CENPN: variants seen among roughly 807,000 people sequenced by gnomAD.
CENPN encodes the protein interphase centromere complex protein 32.
CENPN carries 36 observed loss-of-function variants against 48.6 expected under a neutral mutation model. The observed-to-expected ratio is 0.74, with a 90% CI of 0.57 to 0.98. The LOEUF (loss-of-function observed/expected upper bound fraction) is 0.98. CENPN is among the 50% of genes least tolerant of loss of function. The pLI is 0.00. For missense variants in CENPN, 439 were observed against 399.2 expected (o/e 1.10, Z -0.85); for synonymous variants, 166 against 135.2 (o/e 1.23, Z -1.58).
intron 1 of CENPN, among the ~76,000 whole-genome samples, chr16:81,011,032 C>T (rs1969721205): frequency 6.6e-6 from 1 of 152,222 alleles, no homozygotes; most frequent in African/African-American, 2.4e-5. Flanking sequence ...GTGATCCCCG[C>T]AGTGCCTTTC....
At chr16:81,028,045 C>T (rs1970589182) in intron 9 of CENPN, 126 bp from the exon 10 acceptor site, 2 of 845,922 alleles carry the variant, frequency 2.4e-6, no homozygotes, top group East Asian at 2.7e-5. Context: ...ATGGTCCCCA[C>T]CCCTGTTAAT....
In CENPN at chr16:81,018,237, C is replaced by T. The variant is rs767422558; in HGVS notation, c.354+403C>T. On this transcript the variant is annotated intron_variant, in intron 5 of 10. Coordinates refer to ENST00000305850, the MANE Select transcript of CENPN (RefSeq NM_001100624.3). ...TGTTGCCCAGGCTGGAGTGCAGTGG[C>T]GAGATCTCGGCTCACTGCAACTGCC... 5.3e-5 allele frequency among the ~76,000 whole-genome samples: 8 copies of T among 151,322 alleles called. No individual in the cohort carries two copies. The South Asian group carries it at 6.3e-4, about 12-fold the overall frequency.
intron 2 of CENPN, 26 bp from the exon 3 acceptor site, chr16:81,014,110 A>G (rs377404796): frequency 1.2e-6 from 2 of 1,602,696 alleles, no homozygotes; most frequent in Admixed American, 1.7e-5. Context: ...AACCACAGTT[A>G]CTAAATAATT....
chr16:81,028,761 C>G lies in CENPN; in HGVS notation c.*110C>G. The G allele has an allele frequency of 6.8e-7, 1 of 1,472,602 alleles. No individual in the cohort carries two copies. Among genetic ancestry groups the G allele is most frequent in the Non-Finnish European group, 9.0e-7 (1 of 1,116,492 alleles). 91.2% of individuals were successfully genotyped at this position (1,472,602 alleles called of 1,614,324 possible). On this transcript the variant is annotated 3_prime_UTR_variant, in exon 11 of 11. Transcript: ENST00000305850. ...CTGTAAACTTGTATTTTCAAGAATCCTTGGTATTGAATTTTTAGAAATGCT... is the reference window on the plus strand; with the variant it reads ...CTGTAAACTTGTATTTTCAAGAATCGTTGGTATTGAATTTTTAGAAATGCT...
intron 1 of CENPN, among the ~76,000 whole-genome samples, chr16:81,007,652 C>G (rs3784814): frequency 0.3 from 45,839 of 152,056 alleles, 7,443 homozygotes; most frequent in African/African-American, 0.42. Flanking sequence ...TTTTTTGTCC[C>G]TGTACCCTCT....
chr16:81,011,144 C>T (rs1428540709), intron 1 of CENPN, among the ~76,000 whole-genome samples: 1 of 152,138 alleles, frequency 6.6e-6, no homozygotes, highest in African/African-American at 2.4e-5. Flanking sequence ...CTCGAAGGCC[C>T]CAAGCAGGCT....
In CENPN at chr16:81,011,083, C is replaced by T. The variant is rs138732204; in HGVS notation, c.-10-847C>T. On this transcript the variant is annotated intron_variant, in intron 1 of 10. Transcript: ENST00000305850. ...GACTGACCTCACCTCCTTCTCTATG[C>T]CTCCTTCCTGTCTCTGCTGTCCCCT... Among the ~76,000 whole-genome samples the T allele has an allele frequency of 4.1e-3, 624 of 152,308 alleles. 5 individuals are homozygous for T. The highest frequency in any genetic ancestry group is 0.015 in the African/African-American group (604 of 41,560).
Position 81,017,774 on chromosome 16 carries a change from T to C in CENPN, c.294T>C (p.Leu98=). Residue 98 remains leucine (L), a synonymous_variant, in exon 5 of 11, where the codon CTT becomes CTC. Coordinates refer to ENST00000305850, the MANE Select transcript of CENPN (RefSeq NM_001100624.3). ...MSKGPGEDVD[L]FDMKQFKNSF... ...CTTTGGCAGGTGAAGATGTTGACCT[T>C]TTTGATATGAAACAATTTAAAAATT... The C allele has an allele frequency of 1.3e-6, 2 of 1,590,752 alleles. No individual in the cohort carries two copies. Among genetic ancestry groups the C allele is most frequent in the South Asian group, 2.3e-5 (2 of 85,720 alleles).
intron 6 of CENPN, among the ~76,000 whole-genome samples, chr16:81,021,047 G>A (rs1970168829): frequency 2.7e-5 from 4 of 150,438 alleles, no homozygotes; most frequent in African/African-American, 7.3e-5. Flanking sequence ...AGCCCATATC[G>A]CACCATTGCA....
intron 2 of CENPN, 141 bp from the exon 3 acceptor site, chr16:81,013,992 CAGG>C (rs750871940): frequency 8.4e-4 from 457 of 544,898 alleles, no homozygotes; most frequent in Middle Eastern, 3.7e-3. Context: ...CATTGGTTAA[CAGG>C]AGAAGAGATT....
chr16:81,008,951 AATCCCAGT>A (rs1308882273), intron 1 of CENPN, among the ~76,000 whole-genome samples: 2 of 152,252 alleles, frequency 1.3e-5, no homozygotes, highest in Non-Finnish European at 2.9e-5. Context: ...TCACGCCTGT[AATCCCAGT>A]ACTTTGGGAG....
At chr16:81,024,462 C>G in intron 7 of CENPN, 1 of 266,276 alleles carries the variant, frequency 3.8e-6, no homozygotes, top group Non-Finnish European at 7.0e-6. Flanking sequence ...CGTAGATTCC[C>G]TGGGCTCTGC....
rs148851507 is a variant in CENPN at position 81,024,859 on chromosome 16, T to C, written c.697+81T>C. 3.2e-3 allele frequency: 2,779 copies of C among 861,798 alleles called. 26 individuals are homozygous for C. Among genetic ancestry groups the C allele is most frequent in the Middle Eastern group, 0.016 (69 of 4,250 alleles). The allele number at this position is 861,798 out of a possible 1,614,324, so 53.4% of individuals were successfully genotyped here. ...TTTCTTTCACTTGGTAAAACGTGTA[T>C]AGTAGGATCCTAATTTAAAACTTTT... On this transcript the variant is annotated intron_variant, in intron 8 of 10. Coordinates refer to ENST00000305850, the MANE Select transcript of CENPN (RefSeq NM_001100624.3).
At chr16:81,020,062 AT>A (rs1475013431) in intron 5 of CENPN, 37 bp from the exon 6 acceptor site, 1 of 1,551,122 alleles carries the variant, frequency 6.4e-7, no homozygotes, top group Non-Finnish European at 8.6e-7. Context: ...TGAAATTTTA[AT>A]TAGGAAATTA....
At chr16:81,007,667 T>C (rs979292480) in intron 1 of CENPN, among the ~76,000 whole-genome samples, 13 of 152,188 alleles carry the variant, frequency 8.5e-5, no homozygotes, top group African/African-American at 3.1e-4. Context: ...CCCTCTTGCG[T>C]TGCTCCTCGC....
chr16:81,029,012 A>G lies in CENPN; in HGVS notation c.*361A>G. Reference sequence around the variant, plus strand: ...TGGCTGTCTCTTCTCAATTCTGGAGAGGTCTGGTTCCAGTGGCTGGTTTCC... The same window carrying G: ...TGGCTGTCTCTTCTCAATTCTGGAGGGGTCTGGTTCCAGTGGCTGGTTTCC... On this transcript the variant is annotated 3_prime_UTR_variant, in exon 11 of 11. Coordinates refer to ENST00000305850, the MANE Select transcript of CENPN (RefSeq NM_001100624.3). 1 of 994,954 alleles carries G rather than the reference A, an allele frequency of 1.0e-6. No individual in the cohort carries two copies. The highest frequency in any genetic ancestry group is 1.2e-6 in the Non-Finnish European group (1 of 836,650). 61.6% of individuals were successfully genotyped at this position (994,954 alleles called of 1,614,324 possible). A position where few individuals can be genotyped will look rare whatever the true frequency, so the allele number is the denominator to read the frequency against.
intron 6 of CENPN, among the ~76,000 whole-genome samples, chr16:81,021,105 A>T (rs1484136004): frequency 7.2e-5 from 11 of 152,074 alleles, no homozygotes; most frequent in Non-Finnish European, 1.5e-4. Flanking sequence ...AAAAAAAAAA[A>T]AATTAACATA....
chr16:81,027,604 C>T (rs1970566866), intron 9 of CENPN, among the ~76,000 whole-genome samples: 1 of 152,216 alleles, frequency 6.6e-6, no homozygotes, highest in Admixed American at 6.5e-5. Flanking sequence ...TAAAGGGCAC[C>T]TGAGGGTGGA....
intron 3 of CENPN, among the ~76,000 whole-genome samples, chr16:81,016,327 T>G (rs1006352268): frequency 6.6e-6 from 1 of 152,192 alleles, no homozygotes; most frequent in African/African-American, 2.4e-5. Context: ...AGACCCTGTC[T>G]CTTAGAAAAA....
Sources: allele counts gnomAD v4.1 joint callset (sites outside exome capture counted in the v4.1 genomes callset), GRCh38; gene constraint gnomAD v4.1.1; transcripts MANE v1.5; gene names NCBI Gene and HGNC (gene_info 2026-07-23, HGNC 2026-07-21).